PLAGL2: variants seen among roughly 807,000 people sequenced by gnomAD.
The protein encoded by PLAGL2 is PLAG1 like zinc finger 2, also known as zinc finger protein PLAGL2.
A neutral mutation model predicts 29.0 loss-of-function variants in PLAGL2; 7 were observed. That is an observed-to-expected ratio of 0.24 (90% CI 0.14 to 0.45). The LOEUF is 0.45. Ranked by LOEUF, PLAGL2 falls within the 20% of genes least tolerant of loss-of-function variation. The pLI is 0.99. For synonymous variants in PLAGL2, 234 were observed against 266.0 expected (o/e 0.88, Z 1.17); for missense variants, 454 against 648.2 (o/e 0.70, Z 3.25).
At position 32,196,966 on chromosome 20, in the gene PLAGL2, G is replaced by A. The variant is rs1277074302; in HGVS notation, c.977C>T (p.Pro326Leu). The A allele has an allele frequency of 6.2e-7, 1 of 1,614,254 alleles. No individual in the cohort carries two copies. The highest frequency in any genetic ancestry group is 1.7e-5 in the Admixed American group (1 of 60,032). Residue 326 changes from proline (P) to leucine (L), a missense_variant, in exon 3 of 3, where the codon CCT (proline) becomes CTT (leucine). By Grantham distance (98) the Pro-to-Leu change is moderately conservative (BLOSUM62 -3). Coordinates refer to ENST00000246229, the MANE Select transcript of PLAGL2 (RefSeq NM_002657.3). ...GGAAGAGATAGGTGAGGATTCCAGA[G>A]GGTAGCTCATACCCATGGGCAGCGT... ...HNTLPMGMSY[P>L]LESSPISSPA...
chr20:32,196,607 C>T lies in PLAGL2; in HGVS notation c.1336G>A (p.Ala446Thr). The change falls in exon 3 of 3, where the codon GCA becomes ACA. Residue 446 changes from alanine (A) to threonine (T), a missense_variant. By Grantham distance (58) the Ala-to-Thr change is moderately conservative. Coordinates refer to ENST00000246229, the MANE Select transcript of PLAGL2 (RefSeq NM_002657.3). The stretch of plus-strand genomic sequence containing the variant: ...TGCAAAGTGGTAAGCAGGGGCTGTG[C>T]CTCAGCCTGGGAGTAGCCCATGACC... The part of the protein sequence containing the change: ...GLVMGYSQAE[A>T]QPLLTTLQAQ... 2 of 1,533,424 alleles carry T rather than the reference C, an allele frequency of 1.3e-6. No homozygotes were observed. The highest frequency in any genetic ancestry group is 1.7e-6 in the Non-Finnish European group (2 of 1,144,090). 95.0% of individuals were successfully genotyped at this position (1,533,424 alleles called of 1,614,324 possible).
rs2047264036 is a variant in PLAGL2 at position 32,202,236 on chromosome 20, C to G, written c.-58G>C. ...AGAAAGCCTCCCCATCCGCTCCACACAGGCTCTCAGCTCTGTCACAGCCTC... is the reference window on the plus strand; with the variant it reads ...AGAAAGCCTCCCCATCCGCTCCACAGAGGCTCTCAGCTCTGTCACAGCCTC... On this transcript the variant is annotated 5_prime_UTR_variant, in exon 2 of 3. Coordinates refer to ENST00000246229, the MANE Select transcript of PLAGL2 (RefSeq NM_002657.3). 1.3e-6 allele frequency: 2 copies of G among 1,570,766 alleles called. No homozygotes were observed. The highest frequency in any genetic ancestry group is 2.2e-5 in the East Asian group (1 of 44,562).
Position 32,193,908 on chromosome 20 carries a change from T to C in PLAGL2, c.*2544A>G, listed in dbSNP as rs1486250773. On this transcript the variant is annotated 3_prime_UTR_variant, in exon 3 of 3. Transcript: ENST00000246229. ...GCAAAGTTCACAGTGATAGGAAAAT[T>C]CCTTGTGGGTGCTGAGGACACTGAG... 1 of 151,952 alleles carries C rather than the reference T, an allele frequency of 6.6e-6. No homozygotes were observed. Among genetic ancestry groups the C allele is most frequent in the African/African-American group, 2.4e-5 (1 of 41,230 alleles). The allele number at this position is 151,952 out of a possible 1,614,324, so 9.4% of individuals were successfully genotyped here.
intron 2 of PLAGL2, among the ~76,000 whole-genome samples, chr20:32,201,659 TA>T (rs2047260173): frequency 6.6e-6 from 1 of 152,118 alleles, no homozygotes; most frequent in African/African-American, 2.4e-5. Flanking sequence ...TAAGAAGGTG[TA>T]AGAAGGCCAG....
Position 32,196,416 on chromosome 20 carries a change from C to T in PLAGL2, c.*36G>A. ...CGGGGTGGGTACTAAGGCTCCATAA[C>T]AGAGCCAAAAACTGAGCTGAGGGCC... On this transcript the variant is annotated 3_prime_UTR_variant, in exon 3 of 3. Coordinates refer to ENST00000246229, the MANE Select transcript of PLAGL2 (RefSeq NM_002657.3). 3 of 1,428,962 alleles carry T rather than the reference C, an allele frequency of 2.1e-6. No homozygotes were observed. Among genetic ancestry groups the T allele is most frequent in the African/African-American group, 1.4e-5 (1 of 69,966 alleles). The allele number at this position is 1,428,962 out of a possible 1,614,324, so 88.5% of individuals were successfully genotyped here. A position where few individuals can be genotyped will look rare whatever the true frequency, so the allele number is the denominator to read the frequency against.
At chr20:32,207,500 C>T (rs1308011017) in intron 1 of PLAGL2, 141 bp downstream of exon 1, 1 of 152,374 alleles carries the variant, frequency 6.6e-6, no homozygotes. Flanking sequence ...CAGACCGGGC[C>T]CCGGGTCGGG....
intron 1 of PLAGL2, among the ~76,000 whole-genome samples, chr20:32,206,613 C>T (rs148432786): frequency 6.6e-6 from 1 of 152,350 alleles, no homozygotes; most frequent in African/African-American, 2.4e-5. Flanking sequence ...CACACAGTCC[C>T]ATGGCTGACA....
In PLAGL2 at chr20:32,196,542, C is replaced by T. The variant is rs1464685652; in HGVS notation, c.1401G>A (p.Leu467=). ...GCAAGGAGTGCAGAGGCCCAAAGTT[C>T]AGTGGTCCCCCAGCTCCTGGGGAAT... ...PQDSPGAGGP[L]NFGPLHSLPP... The change falls in exon 3 of 3, where the codon CTG becomes CTA. Residue 467 remains leucine, a synonymous_variant. Coordinates refer to ENST00000246229, the MANE Select transcript of PLAGL2 (RefSeq NM_002657.3). 6.5e-7 allele frequency: 1 copy of T among 1,540,006 alleles called. No homozygotes were observed. The highest frequency in any genetic ancestry group is 1.4e-5 in the African/African-American group (1 of 72,344).
At chr20:32,205,709 G>A (rs1487211932) in intron 1 of PLAGL2, among the ~76,000 whole-genome samples, 1 of 152,178 alleles carries the variant, frequency 6.6e-6, no homozygotes, top group Non-Finnish European at 1.5e-5. Flanking sequence ...TTGCTGTAAG[G>A]ATTATTTTAG....
Position 32,196,356 on chromosome 20 carries a change from T to C in PLAGL2, c.*96A>G. On this transcript the variant is annotated 3_prime_UTR_variant, in exon 3 of 3. Transcript: ENST00000246229. The stretch of plus-strand genomic sequence containing the variant: ...TGGAATTTTTTTTTTTGAACCCAGC[T>C]CTGAAAGCTCAGCTGCCTTCATGGG... 1.0e-6 allele frequency: 1 copy of C among 955,344 alleles called. No individual in the cohort carries two copies. The highest frequency in any genetic ancestry group is 2.8e-5 in the Admixed American group (1 of 35,290). 59.2% of individuals were successfully genotyped at this position (955,344 alleles called of 1,614,324 possible).
chr20:32,200,080 A>C (rs1309373144), intron 2 of PLAGL2, among the ~76,000 whole-genome samples: 1 of 152,116 alleles, frequency 6.6e-6, no homozygotes, highest in African/African-American at 2.4e-5. Context: ...GTCTGTACCC[A>C]CTATTAAGAC....
intron 2 of PLAGL2, among the ~76,000 whole-genome samples, chr20:32,201,103 G>C (rs2047257135): frequency 6.6e-6 from 1 of 152,192 alleles, no homozygotes; most frequent in Non-Finnish European, 1.5e-5. Context: ...CAGTAGAAGA[G>C]GCACTGCAGG....
At chr20:32,206,365 A>G (rs1381375072) in intron 1 of PLAGL2, among the ~76,000 whole-genome samples, 3 of 152,016 alleles carry the variant, frequency 2.0e-5, no homozygotes, top group Non-Finnish European at 2.9e-5. Flanking sequence ...CAGGGGTTGG[A>G]TTTACTCTCA....
rs1245956672 is a variant in PLAGL2 at position 32,192,595 on chromosome 20, TAACA to T, written c.*3853_*3856del. 3 of 152,792 alleles carry T rather than the reference TAACA, an allele frequency of 2.0e-5. No homozygotes were observed. Among genetic ancestry groups the T allele is most frequent in the African/African-American group, 7.2e-5 (3 of 41,584 alleles). 9.5% of individuals were successfully genotyped at this position (152,792 alleles called of 1,614,324 possible). A position where few individuals can be genotyped will look rare whatever the true frequency, so the allele number is the denominator to read the frequency against. ...CTGTAAAACATTGAAAAATCTACTT[TAACA>T]AAGATATGCCCTGTGCATTTTCTAA... On this transcript the variant is annotated 3_prime_UTR_variant, in exon 3 of 3. Transcript: ENST00000246229.
intron 2 of PLAGL2, among the ~76,000 whole-genome samples, chr20:32,200,827 C>T (rs999422544): frequency 6.6e-6 from 1 of 152,066 alleles, no homozygotes; most frequent in South Asian, 2.1e-4. Context: ...CTCCTGGCCT[C>T]AAGTGATCCG....
Position 32,201,930 on chromosome 20 carries a change from G to A in PLAGL2, c.249C>T (p.Tyr83=). Residue 83 remains tyrosine, a synonymous_variant, in exon 2 of 3, where the codon TAC becomes TAT. Transcript: ENST00000246229. The part of the protein sequence containing the change: ...LHCGKAFASK[Y]KLYRHMATHS... The stretch of plus-strand genomic sequence containing the variant: ...AGAGTGTCACCTACCTATACAGCTT[G>A]TATTTGGAAGCAAAAGCCTTGCCAC... The A allele has an allele frequency of 6.2e-7, 1 of 1,613,974 alleles. No individual in the cohort carries two copies. The highest frequency in any genetic ancestry group is 8.5e-7 in the Non-Finnish European group (1 of 1,179,854).
Position 32,197,546 on chromosome 20 carries a change from C to A in PLAGL2, c.397G>T (p.Gly133Cys). ...NKEALHCSEC[G>C]KNYNTKLGYR... ...CCCAGCTTCGTATTGTAATTCTTACCGCACTCAGAGCAGTGGAGGGCCTCT... is the reference window on the plus strand; with the variant it reads ...CCCAGCTTCGTATTGTAATTCTTACAGCACTCAGAGCAGTGGAGGGCCTCT... The change falls in exon 3 of 3, where the codon GGT becomes TGT. Residue 133 changes from glycine to cysteine, a missense_variant. By Grantham distance (159) the Gly-to-Cys change is radical (BLOSUM62 -3). Transcript: ENST00000246229. This position sits in a 1 kb window ranked among gnomAD's most constrained non-coding sequence, Gnocchi z 6.6. 1.2e-6 allele frequency: 2 copies of A among 1,614,196 alleles called. No homozygotes were observed. The highest frequency in any genetic ancestry group is 1.7e-6 in the Non-Finnish European group (2 of 1,180,038).
At chr20:32,201,622 G>C (rs961003500) in intron 2 of PLAGL2, among the ~76,000 whole-genome samples, 7 of 152,134 alleles carry the variant, frequency 4.6e-5, no homozygotes, top group Non-Finnish European at 8.8e-5. Flanking sequence ...ACTCAAGGCT[G>C]CCTGACATTG....
chr20:32,198,562 A>C (rs886743287), intron 2 of PLAGL2, among the ~76,000 whole-genome samples: 2 of 152,200 alleles, frequency 1.3e-5, no homozygotes, highest in Admixed American at 6.5e-5. Context: ...ACTTGAGCCC[A>C]GGAATTTGAA....
Sources: allele counts gnomAD v4.1 joint callset (sites outside exome capture counted in the v4.1 genomes callset), GRCh38; gene constraint gnomAD v4.1.1; non-coding constraint Gnocchi (gnomAD v3.1); transcripts MANE v1.5; gene names NCBI Gene and HGNC (gene_info 2026-07-23, HGNC 2026-07-21).